The following SNX31 variants were observed in gnomAD, a reference collection of about 807,000 sequenced individuals.
SNX31 encodes the protein sorting nexin 31, also known as sorting nexin-31.
Under a neutral mutation model 65.4 loss-of-function variants are expected in SNX31, and 58 were observed. The observed-to-expected ratio is 0.89, with a 90% CI of 0.72 to 1.10. SNX31 has a LOEUF of 1.10. Ranked by LOEUF, SNX31 falls within the 50% of genes least tolerant of loss-of-function variation. SNX31 has a pLI of 0.00. For missense variants in SNX31, 523 were observed against 529.7 expected, an observed-to-expected ratio of 0.99 and a Z score of 0.12; for synonymous variants, 181 against 190.1, an observed-to-expected ratio of 0.95 and a Z score of 0.39.
At chr8:100,655,665 C>T (rs57650940) in intron 1 of SNX31, among the ~76,000 whole-genome samples, 2,485 of 152,232 alleles carry the variant, frequency 0.016, 64 homozygotes, top group African/African-American at 0.056. Flanking sequence ...TACCTAGTCT[C>T]GAGTATGTCT....
chr8:100,584,256 C>T (rs1813824434), intron 11 of SNX31, 68 bp from the exon 12 acceptor site: 1 of 1,290,260 alleles, frequency 7.8e-7, no homozygotes, highest in African/African-American at 1.5e-5. Flanking sequence ...TCCCTCCTCA[C>T]ACCACAAAGC....
intron 8 of SNX31, among the ~76,000 whole-genome samples, chr8:100,605,352 G>A (rs1031981068): frequency 2.0e-5 from 3 of 152,186 alleles, no homozygotes; most frequent in African/African-American, 7.2e-5. Flanking sequence ...AAAAGAGGCA[G>A]TGATTGTGGT....
intron 9 of SNX31, among the ~76,000 whole-genome samples, chr8:100,597,459 C>T (rs904759150): frequency 1.3e-5 from 2 of 152,180 alleles, no homozygotes; most frequent in African/African-American, 4.8e-5. Context: ...CCAGGATGGT[C>T]TTGATCTCCC....
chr8:100,630,527 T>G lies in SNX31; in HGVS notation c.257-136A>C. 1 of 702,620 alleles carries G rather than the reference T, an allele frequency of 1.4e-6. No homozygotes were observed. The highest frequency in any genetic ancestry group is 2.3e-6 in the Non-Finnish European group (1 of 436,416). The allele number at this position is 702,620 out of a possible 1,614,324, so 43.5% of individuals were successfully genotyped here. A position where few individuals can be genotyped will look rare whatever the true frequency, so the allele number is the denominator to read the frequency against. ...CCCTGAAGTGATAAATGTTGAAACCTCTCAAATACAGGAAAACCCCCAAAG... is the reference window on the plus strand; with the variant it reads ...CCCTGAAGTGATAAATGTTGAAACCGCTCAAATACAGGAAAACCCCCAAAG... On this transcript the variant is annotated intron_variant, in intron 3 of 13. Coordinates refer to ENST00000311812, the MANE Select transcript of SNX31 (RefSeq NM_152628.4). This position sits in a 1 kb window ranked among gnomAD's most constrained non-coding sequence, Gnocchi z 5.3.
intron 9 of SNX31, among the ~76,000 whole-genome samples, chr8:100,600,079 C>T (rs1231936481): frequency 6.6e-6 from 1 of 152,170 alleles, no homozygotes; most frequent in African/African-American, 2.4e-5. Context: ...ATGGAATACT[C>T]TGTAGTCACT....
At chr8:100,659,356 A>C (rs1809739520) in intron 1 of SNX31, among the ~76,000 whole-genome samples, 1 of 57,482 alleles carries the variant, frequency 1.7e-5, no homozygotes, top group Non-Finnish European at 3.1e-5. Context: ...TCCATCACAA[A>C]AAAAAAAAAA....
At chr8:100,635,406 A>G (rs1818696133) in intron 3 of SNX31, among the ~76,000 whole-genome samples, 1 of 151,408 alleles carries the variant, frequency 6.6e-6, no homozygotes, top group Non-Finnish European at 1.5e-5. Flanking sequence ...TACCTGGCTA[A>G]TTTTTAAAAT....
chr8:100,649,679 G>T, upstream of SNX31: 1 of 576,438 alleles, frequency 1.7e-6, no homozygotes, highest in Non-Finnish European at 2.9e-6. Flanking sequence ...GGTGGGGCCG[G>T]GGCCGGGCCG....
intron 3 of SNX31, among the ~76,000 whole-genome samples, chr8:100,635,499 C>G (rs1169711763): frequency 6.6e-6 from 1 of 151,116 alleles, no homozygotes; most frequent in Non-Finnish European, 1.5e-5. Flanking sequence ...CCTCAGCTTC[C>G]CAAAGTGCTG....
chr8:100,605,439 G>A (rs561665571), intron 8 of SNX31, among the ~76,000 whole-genome samples: 3 of 152,180 alleles, frequency 2.0e-5, no homozygotes, highest in Admixed American at 6.5e-5. Context: ...CAATGATGAT[G>A]ATGATGATGA....
chr8:100,587,414 A>C (rs957097980), intron 11 of SNX31, among the ~76,000 whole-genome samples: 2 of 152,240 alleles, frequency 1.3e-5, no homozygotes, highest in African/African-American at 2.4e-5. Flanking sequence ...GATGTACAGC[A>C]CAGATTCTGT....
At position 100,609,782 on chromosome 8, in the gene SNX31, C is replaced by A. The variant is rs1319687257; in HGVS notation, c.612-1219G>T. ...ACTTACATTCCAGGTAACTATGCACCCACACATCCCAGAGGCCCCTGTGTG... is the reference window on the plus strand; with the variant it reads ...ACTTACATTCCAGGTAACTATGCACACACACATCCCAGAGGCCCCTGTGTG... On this transcript the variant is annotated intron_variant, in intron 7 of 13. Transcript: ENST00000311812. This position sits in a 1 kb window ranked among gnomAD's most constrained non-coding sequence, Gnocchi z 4.9. Among the ~76,000 whole-genome samples the A allele has an allele frequency of 2.6e-5, 4 of 152,072 alleles. No individual in the cohort carries two copies. The highest frequency in any genetic ancestry group is 9.7e-5 in the African/African-American group (4 of 41,404).
chr8:100,649,476 C>T lies in SNX31; in HGVS notation c.39G>A (p.Arg13=). The T allele has an allele frequency of 6.3e-7, 1 of 1,584,990 alleles. No homozygotes were observed. Among genetic ancestry groups the T allele is most frequent in the Admixed American group, 1.8e-5 (1 of 55,132 alleles). ...CGTAGCGGCCCCCCAGCGCGTCGGACCGCTGCTGGGACACCGGGATACAGA... is the reference window on the plus strand; with the variant it reads ...CGTAGCGGCCCCCCAGCGCGTCGGATCGCTGCTGGGACACCGGGATACAGA... The part of the protein sequence containing the change: ...MHFCIPVSQQ[R]SDALGGRYVL... Residue 13 remains arginine, a synonymous_variant, in exon 1 of 14, where the codon CGG becomes CGA. Coordinates refer to ENST00000311812, the MANE Select transcript of SNX31 (RefSeq NM_152628.4).
In SNX31 at chr8:100,612,912, C is replaced by T. The variant is rs866734515; in HGVS notation, c.523+83G>A. 2 of 1,190,050 alleles carry T rather than the reference C, an allele frequency of 1.7e-6. No homozygotes were observed. The highest frequency in any genetic ancestry group is 2.5e-6 in the Non-Finnish European group (2 of 795,430). The allele number at this position is 1,190,050 out of a possible 1,614,324, so 73.7% of individuals were successfully genotyped here. On this transcript the variant is annotated intron_variant, in intron 6 of 13. Transcript: ENST00000311812. This position sits in a 1 kb window ranked among gnomAD's most constrained non-coding sequence, Gnocchi z 4.3. ...GATCACAGCCCAGTGGGTGGCCAGC[C>T]CCTCAGCTGTGACTCCTATGAGCCC...
chr8:100,659,112 G>A (rs1159806602), intron 1 of SNX31, among the ~76,000 whole-genome samples: 1 of 152,042 alleles, frequency 6.6e-6, no homozygotes, highest in African/African-American at 2.4e-5. Context: ...TTGGGAGGCC[G>A]AGGTGGGTGA....
intron 12 of SNX31, among the ~76,000 whole-genome samples, chr8:100,581,313 A>ATATATC (rs1380634582): frequency 3.2e-5 from 4 of 124,680 alleles, no homozygotes; most frequent in South Asian, 2.3e-4. Context: ...AAAATTTTTT[A>ATATATC]TATATCTATA....
At position 100,656,985 on chromosome 8, in the gene SNX31, G is replaced by A. The variant is rs138527581; in HGVS notation, c.-58+6157C>T. ...GGCATTGAATTCTGAAGAAATACAGGTGCAAGAGCAAGCATTCGACAGTCA... is the reference window on the plus strand; with the variant it reads ...GGCATTGAATTCTGAAGAAATACAGATGCAAGAGCAAGCATTCGACAGTCA... On this transcript the variant is annotated intron_variant, in intron 1 of 5. Transcript: ENST00000520352. 3.8e-3 allele frequency among the ~76,000 whole-genome samples: 579 copies of A among 152,320 alleles called. 5 individuals are homozygous for A. Among genetic ancestry groups the A allele is most frequent in the African/African-American group, 0.012 (485 of 41,570 alleles).
chr8:100,600,262 G>T, intron 9 of SNX31, 87 bp downstream of exon 9: 2 of 1,120,702 alleles, frequency 1.8e-6, no homozygotes, highest in Non-Finnish European at 2.7e-6. Flanking sequence ...TGCTTGGTAG[G>T]TTTATCAGTT....
In SNX31 at chr8:100,613,790, T is replaced by C. The variant is rs892678952; in HGVS notation, c.433-705A>G. 6.6e-6 allele frequency among the ~76,000 whole-genome samples: 1 copy of C among 152,078 alleles called. No homozygotes were observed. The highest frequency in any genetic ancestry group is 1.5e-5 in the Non-Finnish European group (1 of 68,010). On this transcript the variant is annotated intron_variant, in intron 5 of 13. Transcript: ENST00000311812. The surrounding 1 kb of genome is among the most constrained non-coding windows in gnomAD (Gnocchi z 5.2). ...CACAGCATTGGACATCTACTCACGCTCCCTTAGCAGAAAATTCTACACGAC... is the reference window on the plus strand; with the variant it reads ...CACAGCATTGGACATCTACTCACGCCCCCTTAGCAGAAAATTCTACACGAC...
Sources: gnomAD v4.1 joint callset for allele counts (sites outside exome capture counted in the v4.1 genomes callset) on GRCh38, gnomAD v4.1.1 for gene constraint, Gnocchi (gnomAD v3.1) non-coding constraint, MANE v1.5 for transcripts, NCBI Gene and HGNC (gene_info 2026-07-23, HGNC 2026-07-21) for gene names.